The following RASSF4 variants were observed in gnomAD, a reference collection of about 807,000 sequenced individuals.
RASSF4 encodes ras association domain-containing protein 4.
RASSF4 carries 38 observed loss-of-function variants against 41.1 expected under a neutral mutation model. The ratio of observed to expected loss-of-function variants is 0.92; its 90% confidence interval spans 0.71 to 1.21. The LOEUF (loss-of-function observed/expected upper bound fraction) is 1.21, where lower values mean the gene tolerates loss of function less well. Among genes scored for constraint, RASSF4 ranks in the 50% most tolerant of loss-of-function variants. The probability of loss-of-function intolerance (pLI) is 0.00; values close to 1 mark genes in which losing one functional copy is unlikely to be tolerated. For synonymous variants in RASSF4, 179 were observed against 163.4 expected (o/e 1.10, Z -0.73); for missense variants, 414 against 419.4 (o/e 0.99, Z 0.11).
intron 1 of RASSF4, among the ~76,000 whole-genome samples, chr10:44,965,726 C>CGCTGACA (rs1840877758): frequency 6.6e-6 from 1 of 152,234 alleles, no homozygotes; most frequent in African/African-American, 2.4e-5. Flanking sequence ...CCCCTGCCCT[C>CGCTGACA]CCCTGGGATG....
intron 3 of RASSF4, among the ~76,000 whole-genome samples, chr10:44,980,628 G>A (rs568441123): frequency 6.6e-5 from 10 of 152,340 alleles, no homozygotes; most frequent in African/African-American, 2.4e-4. Context: ...TCGTCTTCCA[G>A]GGTGCAGTGC....
At chr10:44,979,130 C>A (rs1841592733) in intron 3 of RASSF4, among the ~76,000 whole-genome samples, 1 of 152,146 alleles carries the variant, frequency 6.6e-6, no homozygotes, top group Admixed American at 6.5e-5. Flanking sequence ...TTACACCACC[C>A]CATCATGACT....
At chr10:44,979,632 A>T (rs1274476556) in intron 3 of RASSF4, among the ~76,000 whole-genome samples, 1 of 152,102 alleles carries the variant, frequency 6.6e-6, no homozygotes, top group African/African-American at 2.4e-5. Context: ...GAAAATGCAC[A>T]TTCCAGGTGG....
intron 1 of RASSF4, among the ~76,000 whole-genome samples, chr10:44,965,162 T>C (rs895791447): frequency 1.3e-5 from 2 of 152,228 alleles, no homozygotes; most frequent in Non-Finnish European, 2.9e-5. Context: ...ATGGTCCAGC[T>C]TCCCAGTGAG....
At chr10:44,973,753 C>T (rs538448646) in intron 3 of RASSF4, among the ~76,000 whole-genome samples, 2 of 152,286 alleles carry the variant, frequency 1.3e-5, no homozygotes, top group East Asian at 1.9e-4. Flanking sequence ...GGCGCGGGAG[C>T]GGGAAGCCCC....
rs11540205 is a variant in RASSF4 at position 44,984,936 on chromosome 10, G to A, written c.497G>A (p.Arg166Gln). The A allele has an allele frequency of 8.7e-6, 14 of 1,613,036 alleles. No homozygotes were observed. Among genetic ancestry groups the A allele is most frequent in the Admixed American group, 3.3e-5 (2 of 59,994 alleles). ...GAGGCCCAGCGCATCCGGCGACACCGGTTCTCTATCAACGGCCACTTCTAC... is the reference window on the plus strand; with the variant it reads ...GAGGCCCAGCGCATCCGGCGACACCAGTTCTCTATCAACGGCCACTTCTAC... ...PGEAQRIRRH[R>Q]FSINGHFYNH... is the part of the protein sequence containing the mutation. Residue 166 changes from arginine (R) to glutamine (Q), a missense_variant, in exon 6 of 11, where the codon CGG (arginine) becomes CAG (glutamine). Transcript: ENST00000340258.
At chr10:44,963,212 C>T (rs546122458) in intron 1 of RASSF4, among the ~76,000 whole-genome samples, 73 of 152,072 alleles carry the variant, frequency 4.8e-4, no homozygotes, top group African/African-American at 1.4e-3. Context: ...GGGATGATGG[C>T]GGGAGTGGAG....
intron 10 of RASSF4, among the ~76,000 whole-genome samples, chr10:44,992,471 C>T (rs1842151538): frequency 6.6e-6 from 1 of 152,232 alleles, no homozygotes; most frequent in Non-Finnish European, 1.5e-5. Flanking sequence ...CCGATGTTTT[C>T]AGGTGCAGAG....
chr10:44,984,750 C>A (rs1438242144), intron 5 of RASSF4, 63 bp from the exon 6 acceptor site: 4 of 1,578,462 alleles, frequency 2.5e-6, no homozygotes, highest in Non-Finnish European at 3.5e-6. Context: ...GATCTCCCGA[C>A]AGCAGGCAGT....
chr10:44,960,406 G>A (rs1331907064), intron 1 of RASSF4, among the ~76,000 whole-genome samples: 1 of 152,206 alleles, frequency 6.6e-6, no homozygotes, highest in East Asian at 1.9e-4. Flanking sequence ...GGCTTAAAGA[G>A]TTATAAAATT....
intron 9 of RASSF4, chr10:44,991,270 G>T: frequency 2.2e-6 from 1 of 449,246 alleles, no homozygotes; most frequent in Non-Finnish European, 3.9e-6. Context: ...AGCAGCTTAG[G>T]GGAAAGAAGA....
chr10:44,970,106 C>A, intron 1 of RASSF4, 59 bp from the exon 2 acceptor site: 2 of 1,008,494 alleles, frequency 2.0e-6, no homozygotes, highest in Non-Finnish European at 3.1e-6. Context: ...GTGTTGGGTG[C>A]TGCACTGGCC....
chr10:44,993,152 G>A (rs1588853866), intron 10 of RASSF4, 117 bp from the exon 11 acceptor site: 1 of 807,472 alleles, frequency 1.2e-6, no homozygotes, highest in East Asian at 2.7e-5. Flanking sequence ...TGGCAGAGGA[G>A]AGATGAGGCT....
At position 44,989,337 on chromosome 10, in the gene RASSF4, A is replaced by C. The variant is rs372733651; in HGVS notation, c.595A>C (p.Thr199Pro). The C allele has an allele frequency of 1.9e-6, 3 of 1,613,820 alleles. No individual in the cohort carries two copies. The highest frequency in any genetic ancestry group is 1.7e-4 in the Middle Eastern group (1 of 6,058). The change falls in exon 7 of 11, where the codon ACC becomes CCC. Residue 199 changes from threonine (T) to proline (P), a missense_variant. Transcript: ENST00000340258. Reference protein sequence around the residue: ...TNVRVNSTMTTLQVLTLLLNK... With the variant: ...TNVRVNSTMTPLQVLTLLLNK... The stretch of plus-strand genomic sequence containing the variant: ...TGTGAGGGTCAACAGCACCATGACA[A>C]CCCTGCAGGTGCTCACCCTGCTGCT...
At chr10:44,985,464 A>G (rs1841889537) in intron 6 of RASSF4, among the ~76,000 whole-genome samples, 2 of 152,248 alleles carry the variant, frequency 1.3e-5, no homozygotes, top group South Asian at 4.1e-4. Context: ...CCCAAATTAC[A>G]TCATTCTATA....
chr10:44,991,251 G>C, intron 9 of RASSF4, 182 bp downstream of exon 9: 1 of 470,146 alleles, frequency 2.1e-6, no homozygotes, highest in Admixed American at 3.5e-5. Flanking sequence ...ATCAGTGACC[G>C]CCAGCACCAG....
At position 44,995,799 on chromosome 10, in the gene RASSF4, G is replaced by C. The variant is rs969682023; in HGVS notation, c.*2470G>C. 1 of 152,070 alleles carries C rather than the reference G, an allele frequency of 6.6e-6. No individual in the cohort carries two copies. The highest frequency in any genetic ancestry group is 2.4e-5 in the African/African-American group (1 of 41,404). 9.4% of individuals were successfully genotyped at this position (152,070 alleles called of 1,614,324 possible). On this transcript the variant is annotated 3_prime_UTR_variant, in exon 11 of 11. Coordinates refer to ENST00000340258, the MANE Select transcript of RASSF4 (RefSeq NM_032023.4). ...CTACTGGTTCCTGTGGGGAGCTCCCGCTTTCTTTCTACATAGAGCTTAGGG... is the reference window on the plus strand; with the variant it reads ...CTACTGGTTCCTGTGGGGAGCTCCCCCTTTCTTTCTACATAGAGCTTAGGG...
chr10:44,971,908 C>T, intron 3 of RASSF4, 60 bp downstream of exon 3: 1 of 1,212,950 alleles, frequency 8.2e-7, no homozygotes, highest in Non-Finnish European at 1.2e-6. Context: ...CTGCCTGATA[C>T]CTGTTGTTTC....
chr10:44,992,036 T>C (rs1328458624), intron 10 of RASSF4, 34 bp downstream of exon 10: 1 of 1,407,524 alleles, frequency 7.1e-7, no homozygotes, highest in Non-Finnish European at 1.0e-6. Flanking sequence ...TCATGGGTCC[T>C]GAACATCAGG....
Sources: gnomAD v4.1 joint callset for allele counts (sites outside exome capture counted in the v4.1 genomes callset) on GRCh38, gnomAD v4.1.1 for gene constraint, MANE v1.5 for transcripts, NCBI Gene and HGNC (gene_info 2026-07-23, HGNC 2026-07-21) for gene names.